Variants in RAP1GDS1 observed in about 807,000 individuals in gnomAD.
RAP1GDS1 encodes the protein RAP1, GTP-GDP dissociation stimulator 1.
RAP1GDS1 carries 35 observed loss-of-function variants against 71.1 expected under a neutral mutation model. The observed-to-expected ratio is 0.49, with a 90% confidence interval of 0.38 to 0.65. The LOEUF (loss-of-function observed/expected upper bound fraction) is 0.65, where lower values mean the gene tolerates loss of function less well. Ranked by LOEUF, RAP1GDS1 falls within the 30% of genes least tolerant of loss-of-function variation. The pLI is 0.00. For synonymous variants in RAP1GDS1, 229 were observed against 243.1 expected (o/e 0.94, Z 0.54); for missense variants, 663 against 706.1 (o/e 0.94, Z 0.69).
chr4:98,440,769 G>A (rs1316360223), intron 14 of RAP1GDS1, among the ~76,000 whole-genome samples: 1 of 152,186 alleles, frequency 6.6e-6, no homozygotes, highest in African/African-American at 2.4e-5. Context: ...CCAGGCTGCA[G>A]TGCAATGGTG....
intron 2 of RAP1GDS1, among the ~76,000 whole-genome samples, chr4:98,333,852 T>C (rs1352927312): frequency 6.6e-6 from 1 of 152,104 alleles, no homozygotes; most frequent in Non-Finnish European, 1.5e-5. Flanking sequence ...ACAGCTGTTT[T>C]TATTAAACTA....
intron 2 of RAP1GDS1, among the ~76,000 whole-genome samples, chr4:98,314,827 G>A (rs537089088): frequency 1.3e-5 from 2 of 152,272 alleles, no homozygotes; most frequent in South Asian, 4.1e-4. Flanking sequence ...TCACAGAGGG[G>A]ATGACATTTT....
chr4:98,430,542 T>C lies in RAP1GDS1; in HGVS notation c.1441-3394T>C, dbSNP rs534447456. On this transcript the variant is annotated intron_variant, in intron 12 of 14. Transcript: ENST00000408927. ...AAGAGTTGCATAGGTAGATTAGTTA[T>C]GCAAATAGTAATTATTTTTTTCTTT... 3.9e-5 allele frequency among the ~76,000 whole-genome samples: 6 copies of C among 152,360 alleles called. No homozygotes were observed. The South Asian group carries it at 1.0e-3, about 26-fold the overall frequency.
At position 98,261,403 on chromosome 4, in the gene RAP1GDS1, G is replaced by A; in HGVS notation, c.-163G>A. 4.5e-6 allele frequency: 1 copy of A among 220,580 alleles called. No individual in the cohort carries two copies. Among genetic ancestry groups the A allele is most frequent in the Non-Finnish European group, 7.5e-6 (1 of 133,868 alleles). The allele number at this position is 220,580 out of a possible 1,614,324, so 13.7% of individuals were successfully genotyped here. On this transcript the variant is annotated 5_prime_UTR_variant, in exon 1 of 15. Coordinates refer to ENST00000408927, the MANE Select transcript of RAP1GDS1 (RefSeq NM_001100427.2). ...CCCGCCGCTCGTCCCCGCCGCGGCC[G>A]CGCCGCCTGCAGCAGCACCAGCTGC... is the stretch of plus-strand genomic sequence containing the variant.
At chr4:98,383,104 A>G (rs1226740728) in intron 5 of RAP1GDS1, among the ~76,000 whole-genome samples, 1 of 151,690 alleles carries the variant, frequency 6.6e-6, no homozygotes, top group Non-Finnish European at 1.5e-5. Context: ...GGTAGTCACC[A>G]TTGTTGTAAG....
intron 2 of RAP1GDS1, among the ~76,000 whole-genome samples, chr4:98,335,663 A>G (rs889206637): frequency 6.6e-6 from 1 of 152,062 alleles, no homozygotes; most frequent in African/African-American, 2.4e-5. Context: ...TGATATTATT[A>G]ATGACTATAT....
intron 12 of RAP1GDS1, among the ~76,000 whole-genome samples, chr4:98,424,533 A>G (rs1137553): frequency 6.6e-6 from 1 of 152,210 alleles, no homozygotes; most frequent in African/African-American, 2.4e-5. Context: ...AGGCCAAGGT[A>G]GGTGGATCAT....
chr4:98,282,556 A>T (rs1725286961), intron 1 of RAP1GDS1, among the ~76,000 whole-genome samples: 1 of 147,424 alleles, frequency 6.8e-6, no homozygotes, highest in African/African-American at 2.5e-5. Flanking sequence ...TTTTCAAAAA[A>T]CCAGCTCCTG....
At chr4:98,291,499 T>G (rs1004408570) in intron 1 of RAP1GDS1, among the ~76,000 whole-genome samples, 1 of 152,132 alleles carries the variant, frequency 6.6e-6, no homozygotes, top group Non-Finnish European at 1.5e-5. Context: ...CTACTGAAAT[T>G]TACTGTCATG....
At chr4:98,317,246 T>G (rs1578411414) in intron 2 of RAP1GDS1, among the ~76,000 whole-genome samples, 2 of 152,112 alleles carry the variant, frequency 1.3e-5, no homozygotes, top group South Asian at 4.1e-4. Context: ...CATGCCAGAT[T>G]GTAGGATTTT....
chr4:98,320,276 CT>C (rs1172291882), intron 2 of RAP1GDS1, among the ~76,000 whole-genome samples: 2 of 152,128 alleles, frequency 1.3e-5, no homozygotes, highest in African/African-American at 4.8e-5. Flanking sequence ...CATATACTTA[CT>C]CATTTTTATT....
chr4:98,292,128 TC>T (rs1466616423), intron 1 of RAP1GDS1, among the ~76,000 whole-genome samples: 1 of 149,666 alleles, frequency 6.7e-6, no homozygotes, highest in Non-Finnish European at 1.5e-5. Flanking sequence ...TTTTTTTTTT[TC>T]CTTTTTTTTT....
At chr4:98,414,397 G>A (rs985133959) in intron 7 of RAP1GDS1, among the ~76,000 whole-genome samples, 1 of 124,844 alleles carries the variant, frequency 8.0e-6, no homozygotes, top group African/African-American at 4.0e-5. Context: ...TTTGTCTAAG[G>A]TGTAAGGAAG....
chr4:98,365,667 T>C (rs1211222968), intron 4 of RAP1GDS1, among the ~76,000 whole-genome samples: 1 of 152,146 alleles, frequency 6.6e-6, no homozygotes, highest in Non-Finnish European at 1.5e-5. Context: ...CTGAATAAAT[T>C]CACTTTTTCC....
chr4:98,442,199 A>G lies in RAP1GDS1; in HGVS notation c.*82A>G, dbSNP rs1285866782. ...AGCGGCTTCTTCCGCTTCATTCTCTACCATACCACTTGTGCATGCATGTGA... is the reference window on the plus strand; with the variant it reads ...AGCGGCTTCTTCCGCTTCATTCTCTGCCATACCACTTGTGCATGCATGTGA... On this transcript the variant is annotated 3_prime_UTR_variant, in exon 15 of 15. Coordinates refer to ENST00000408927, the MANE Select transcript of RAP1GDS1 (RefSeq NM_001100427.2). The G allele has an allele frequency of 3.4e-6, 5 of 1,490,398 alleles. No individual in the cohort carries two copies. Among genetic ancestry groups the G allele is most frequent in the Non-Finnish European group, 4.5e-6 (5 of 1,099,096 alleles). 92.3% of individuals were successfully genotyped at this position (1,490,398 alleles called of 1,614,324 possible). A position where few individuals can be genotyped will look rare whatever the true frequency, so the allele number is the denominator to read the frequency against.
intron 12 of RAP1GDS1, among the ~76,000 whole-genome samples, chr4:98,433,727 T>C (rs1022574908): frequency 6.6e-6 from 1 of 152,194 alleles, no homozygotes; most frequent in Non-Finnish European, 1.5e-5. Flanking sequence ...CTTTTCTACT[T>C]AGGCAATTTA....
At chr4:98,390,411 G>A (rs1743435139) in intron 5 of RAP1GDS1, among the ~76,000 whole-genome samples, 1 of 151,956 alleles carries the variant, frequency 6.6e-6, no homozygotes. Flanking sequence ...TACAAAATTT[G>A]AAATTGTTTT....
intron 5 of RAP1GDS1, among the ~76,000 whole-genome samples, chr4:98,382,442 T>C (rs187348024): frequency 6.6e-6 from 1 of 151,774 alleles, no homozygotes; most frequent in East Asian, 1.9e-4. Flanking sequence ...CAATTATGGC[T>C]GTAGAAAAGC....
chr4:98,355,633 G>T (rs1276138565), intron 4 of RAP1GDS1, among the ~76,000 whole-genome samples: 3 of 152,122 alleles, frequency 2.0e-5, no homozygotes, highest in African/African-American at 7.2e-5. Context: ...GCATTTGCTA[G>T]CATATTTCAG....
Sources: gnomAD v4.1 joint callset for allele counts (sites outside exome capture counted in the v4.1 genomes callset) on GRCh38, gnomAD v4.1.1 for gene constraint, MANE v1.5 for transcripts, NCBI Gene and HGNC (gene_info 2026-07-23, HGNC 2026-07-21) for gene names.